SOX5: variants seen among roughly 807,000 people sequenced by gnomAD.
SOX5 encodes the protein transcription factor SOX-5.
In SOX5, 9 loss-of-function variants were observed where a neutral mutation model predicts 92.0. That is an observed-to-expected ratio of 0.10 (90% CI 0.06 to 0.17). The LOEUF (loss-of-function observed/expected upper bound fraction) is 0.17, where lower values mean the gene tolerates loss of function less well. SOX5 is among the 10% of genes least tolerant of loss of function. The pLI is 1.00. For missense variants in SOX5, 642 were observed against 944.5 expected (o/e 0.68, Z 4.20); for synonymous variants, 344 against 336.3 (o/e 1.02, Z -0.25).
intron 4 of SOX5, among the ~76,000 whole-genome samples, chr12:24,142,515 A>G (rs1019635138): frequency 2.0e-5 from 3 of 151,922 alleles, no homozygotes; most frequent in African/African-American, 7.3e-5. Context: ...CATTTTATAA[A>G]GATACTTTAC....
intron 4 of SOX5, among the ~76,000 whole-genome samples, chr12:23,967,237 G>A (rs1455646890): frequency 6.6e-6 from 1 of 152,008 alleles, no homozygotes; most frequent in East Asian, 1.9e-4. Context: ...GTAATGAACT[G>A]AACATTTTAA....
chr12:23,822,710 T>C (rs181304616), intron 3 of SOX5, among the ~76,000 whole-genome samples: 10 of 152,302 alleles, frequency 6.6e-5, no homozygotes, highest in Admixed American at 5.9e-4. Context: ...ATATTGACAG[T>C]GGGGTGCTAA....
chr12:24,263,533 A>AAAC (rs1228763095), intron 3 of SOX5, among the ~76,000 whole-genome samples: 1 of 140,914 alleles, frequency 7.1e-6, no homozygotes, highest in Non-Finnish European at 1.5e-5. Flanking sequence ...GTCTCAAAAA[A>AAAC]AAAAAAACAA....
chr12:23,835,302 GA>G (rs1568183386), intron 3 of SOX5, among the ~76,000 whole-genome samples: 1 of 151,774 alleles, frequency 6.6e-6, no homozygotes, highest in Non-Finnish European at 1.5e-5. Flanking sequence ...AACTGAAAGG[GA>G]AAAAAGGAAC....
At chr12:24,028,897 A>G (rs368271650) in intron 4 of SOX5, among the ~76,000 whole-genome samples, 2 of 152,050 alleles carry the variant, frequency 1.3e-5, no homozygotes, top group East Asian at 3.9e-4. Flanking sequence ...TGAAAACAGT[A>G]AGAGAAAGGA....
chr12:23,977,409 C>T (rs541025472), intron 4 of SOX5, among the ~76,000 whole-genome samples: 2 of 152,160 alleles, frequency 1.3e-5, no homozygotes, highest in South Asian at 4.1e-4. Context: ...GTGGCTAACA[C>T]CTGTAACCCC....
intron 4 of SOX5, among the ~76,000 whole-genome samples, chr12:24,143,895 A>C (rs868766333): frequency 6.6e-6 from 1 of 151,838 alleles, no homozygotes; most frequent in Admixed American, 6.6e-5. Context: ...AAGGAGGAGG[A>C]GGAGGAGGAG....
chr12:24,366,297 A>G (rs1956163400), intron 2 of SOX5, among the ~76,000 whole-genome samples: 1 of 152,174 alleles, frequency 6.6e-6, no homozygotes, highest in Non-Finnish European at 1.5e-5. Context: ...TGCCTAGTCC[A>G]TGAAAATTAC....
At chr12:23,585,062 T>C (rs1950536595) in intron 9 of SOX5, among the ~76,000 whole-genome samples, 1 of 152,150 alleles carries the variant, frequency 6.6e-6, no homozygotes, top group Admixed American at 6.6e-5. Flanking sequence ...ACTAACTCGA[T>C]AAATTCTAAG....
chr12:24,446,325 C>A (rs1027364093), intron 1 of SOX5, among the ~76,000 whole-genome samples: 1 of 152,088 alleles, frequency 6.6e-6, no homozygotes. Flanking sequence ...TCCTGACAAG[C>A]TGTTATTTGA....
intron 4 of SOX5, among the ~76,000 whole-genome samples, chr12:23,749,114 G>A (rs990343299): frequency 1.3e-5 from 2 of 151,762 alleles, no homozygotes; most frequent in Non-Finnish European, 2.9e-5. Flanking sequence ...AATAAAAATG[G>A]CACTATTACA....
At chr12:24,359,152 G>C (rs1333555551) in intron 2 of SOX5, among the ~76,000 whole-genome samples, 1 of 152,092 alleles carries the variant, frequency 6.6e-6, no homozygotes, top group Non-Finnish European at 1.5e-5. Context: ...AATTCTTCTT[G>C]GTAGTAGGGA....
intron 2 of SOX5, among the ~76,000 whole-genome samples, chr12:24,357,925 A>G (rs1955070967): frequency 6.6e-6 from 1 of 152,050 alleles, no homozygotes; most frequent in Non-Finnish European, 1.5e-5. Context: ...CAAATTTTCT[A>G]TATTTTAAGA....
At position 23,826,826 on chromosome 12, in the gene SOX5, C is replaced by G. The variant is rs1465944274; in HGVS notation, c.481+19157G>C. 2.0e-5 allele frequency among the ~76,000 whole-genome samples: 3 copies of G among 152,194 alleles called. No homozygotes were observed. The East Asian group carries it at 5.8e-4, about 29-fold the overall frequency. On this transcript the variant is annotated intron_variant, in intron 3 of 14. Transcript: ENST00000451604. ...GTCACACTGTGGTATGCAAACCTCT[C>G]AGGCAAATTTTTACAGACAAAGCAT...
intron 4 of SOX5, among the ~76,000 whole-genome samples, chr12:24,057,593 T>A (rs893569889): frequency 6.6e-6 from 1 of 152,244 alleles, no homozygotes; most frequent in African/African-American, 2.4e-5. Context: ...TAGTAACCGA[T>A]AATATCAAGT....
chr12:23,842,525 T>A (rs2096531015), intron 3 of SOX5, among the ~76,000 whole-genome samples: 2 of 152,178 alleles, frequency 1.3e-5, no homozygotes, highest in Admixed American at 1.3e-4. Flanking sequence ...ATACTCTGCA[T>A]TCAGATCTTG....
exon 1 of SOX5, chr12:24,562,432 G>C (rs1471300356): frequency 6.6e-6 from 1 of 152,596 alleles, no homozygotes; most frequent in Admixed American, 6.5e-5. Flanking sequence ...GGTTTTGGTG[G>C]CTCGCCTTTT....
rs187917259 is a variant in SOX5 at position 23,751,260 on chromosome 12, G to A, written c.568+4378C>T. ...TCCAACCCCTTTGTAAAAATGTGCAGATATGCATGTTTTAGGTTAATGTAC... is the reference window on the plus strand; with the variant it reads ...TCCAACCCCTTTGTAAAAATGTGCAAATATGCATGTTTTAGGTTAATGTAC... On this transcript the variant is annotated intron_variant, in intron 4 of 14. Coordinates refer to ENST00000451604, the MANE Select transcript of SOX5 (RefSeq NM_006940.6). Among the ~76,000 whole-genome samples the A allele has an allele frequency of 1.0e-3, 156 of 151,920 alleles. 1 individual carries two copies. The highest frequency in any genetic ancestry group is 3.6e-3 in the African/African-American group (151 of 41,474).
intron 4 of SOX5, among the ~76,000 whole-genome samples, chr12:24,065,440 A>C (rs1219139162): frequency 6.6e-6 from 1 of 152,124 alleles, no homozygotes; most frequent in Non-Finnish European, 1.5e-5. Context: ...CGAGGTCAAG[A>C]CATCGAGAAC....
Sources: allele counts gnomAD v4.1 joint callset (sites outside exome capture counted in the v4.1 genomes callset), GRCh38; gene constraint gnomAD v4.1.1; transcripts MANE v1.5; gene names NCBI Gene and HGNC (gene_info 2026-07-23, HGNC 2026-07-21).